The following RBM20 variants were observed in gnomAD, a reference collection of about 807,000 sequenced individuals.
RBM20 encodes the protein RNA-binding protein 20.
A neutral mutation model predicts 110.1 loss-of-function variants in RBM20; 51 were observed. That is an observed-to-expected ratio of 0.46 (90% confidence interval 0.37 to 0.59). The LOEUF is 0.59. Among genes scored for constraint, RBM20 ranks in the 20% least tolerant of loss-of-function variants. RBM20 has a pLI of 0.00. For synonymous variants in RBM20, 589 were observed against 618.2 expected, an observed-to-expected ratio of 0.95 and a Z score of 0.70; for missense variants, 1,512 against 1,574.9, an observed-to-expected ratio of 0.96 and a Z score of 0.68.
intron 1 of RBM20, among the ~76,000 whole-genome samples, chr10:110,776,657 T>C (rs1022277135): frequency 2.6e-5 from 4 of 152,240 alleles, no homozygotes; most frequent in East Asian, 1.9e-4. Context: ...TGTGATTACA[T>C]TGGGCATACC....
At chr10:110,653,776 G>A (rs568832186) in intron 1 of RBM20, among the ~76,000 whole-genome samples, 5 of 152,194 alleles carry the variant, frequency 3.3e-5, no homozygotes, top group Admixed American at 1.3e-4. Flanking sequence ...GGTTGGTCTC[G>A]AACTCCTGGA....
intron 1 of RBM20, among the ~76,000 whole-genome samples, chr10:110,768,932 G>A (rs1844147161): frequency 1.3e-5 from 2 of 152,080 alleles, no homozygotes; most frequent in African/African-American, 2.4e-5. Context: ...GTGACCCTTT[G>A]TGGACTTGTA....
At chr10:110,804,359 G>A (rs909163886) in intron 7 of RBM20, among the ~76,000 whole-genome samples, 18 of 152,202 alleles carry the variant, frequency 1.2e-4, no homozygotes, top group African/African-American at 4.1e-4. Context: ...GGCAAACACT[G>A]TATCCATGTG....
intron 1 of RBM20, among the ~76,000 whole-genome samples, chr10:110,722,485 G>A (rs1037056191): frequency 1.3e-5 from 2 of 152,142 alleles, no homozygotes; most frequent in African/African-American, 2.4e-5. Flanking sequence ...CTGTGGGTTC[G>A]AACAAATGTG....
At chr10:110,717,424 C>G (rs1040023164) in intron 1 of RBM20, among the ~76,000 whole-genome samples, 3 of 152,086 alleles carry the variant, frequency 2.0e-5, no homozygotes, top group African/African-American at 7.2e-5. Flanking sequence ...TTCAGGGAAA[C>G]TTATGGAATG....
chr10:110,660,701 A>G (rs1250305313), intron 1 of RBM20, among the ~76,000 whole-genome samples: 1 of 151,856 alleles, frequency 6.6e-6, no homozygotes, highest in Non-Finnish European at 1.5e-5. Flanking sequence ...CATCACCCCG[A>G]GATAGGACCA....
intron 1 of RBM20, among the ~76,000 whole-genome samples, chr10:110,742,416 T>C (rs926325839): frequency 6.6e-6 from 1 of 152,202 alleles, no homozygotes; most frequent in Non-Finnish European, 1.5e-5. Flanking sequence ...GACTTGGACT[T>C]GGACAGTTTT....
Position 110,753,128 on chromosome 10 carries a change from G to A in RBM20, c.192-27673G>A, listed in dbSNP as rs182975497. Among the ~76,000 whole-genome samples, 956 of 151,360 alleles carry A rather than the reference G, an allele frequency of 6.3e-3. 4 individuals are homozygous for A. Among genetic ancestry groups the A allele is most frequent in the Non-Finnish European group, 9.8e-3 (667 of 67,784 alleles). On this transcript the variant is annotated intron_variant, in intron 1 of 13. Coordinates refer to ENST00000369519, the MANE Select transcript of RBM20 (RefSeq NM_001134363.3). Reference sequence around the variant, plus strand: ...TAATTTTTGTATTTTTAGTAGAGACGGGGTTTCACCATGTTGGTCAGGCTG... The same window carrying A: ...TAATTTTTGTATTTTTAGTAGAGACAGGGTTTCACCATGTTGGTCAGGCTG...
rs1214883974 is a variant in RBM20, at chr10:110,752,943, ATAT to A, written c.192-27856_192-27854del. On this transcript the variant is annotated intron_variant, in intron 1 of 13. Coordinates refer to ENST00000369519, the MANE Select transcript of RBM20 (RefSeq NM_001134363.3). ...TACATATATATATATATATATATAT[ATAT>A]TTTTTTTTTTTTTATGAAGTCTCCC... Among the ~76,000 whole-genome samples the A allele has an allele frequency of 5.1e-3, 483 of 95,020 alleles. 1 individual carries two copies. Among genetic ancestry groups the A allele is most frequent in the African/African-American group, 0.011 (270 of 23,594 alleles). 62.3% of individuals were successfully genotyped at this position (95,020 alleles called of 152,430 possible). A position where few individuals can be genotyped will look rare whatever the true frequency, so the allele number is the denominator to read the frequency against.
At chr10:110,720,731 C>T (rs1293574883) in intron 1 of RBM20, among the ~76,000 whole-genome samples, 3 of 138,772 alleles carry the variant, frequency 2.2e-5, no homozygotes, top group Non-Finnish European at 4.6e-5. Context: ...AACCCTCATC[C>T]CTGTGGTGCC....
chr10:110,732,155 A>G (rs568965627), intron 1 of RBM20, among the ~76,000 whole-genome samples: 1 of 152,174 alleles, frequency 6.6e-6, no homozygotes, highest in South Asian at 2.1e-4. Flanking sequence ...TTTCTTATAC[A>G]TAGCATCCTT....
At chr10:110,813,089 T>C in intron 9 of RBM20, 142 bp downstream of exon 9, 1 of 606,898 alleles carries the variant, frequency 1.6e-6, no homozygotes, top group Non-Finnish European at 2.6e-6. Flanking sequence ...TGCAAGACAC[T>C]TTATCTCAAT....
intron 1 of RBM20, among the ~76,000 whole-genome samples, chr10:110,769,161 A>T (rs1844150961): frequency 6.6e-6 from 1 of 152,182 alleles, no homozygotes; most frequent in Non-Finnish European, 1.5e-5. Context: ...TGGAGGTGGG[A>T]CTCAAGCCCC....
chr10:110,755,515 T>C (rs1843910242), intron 1 of RBM20, among the ~76,000 whole-genome samples: 1 of 152,224 alleles, frequency 6.6e-6, no homozygotes, highest in Non-Finnish European at 1.5e-5. Flanking sequence ...GCTATTACAT[T>C]TCTATTGTGT....
At chr10:110,817,447 C>T (rs1379878534) in intron 9 of RBM20, among the ~76,000 whole-genome samples, 2 of 152,162 alleles carry the variant, frequency 1.3e-5, no homozygotes, top group South Asian at 2.1e-4. Flanking sequence ...CCCAACCATG[C>T]GGGAAGACAG....
chr10:110,800,382 G>A (rs773515371), intron 7 of RBM20, among the ~76,000 whole-genome samples: 26 of 152,176 alleles, frequency 1.7e-4, no homozygotes, highest in Admixed American at 1.5e-3. Flanking sequence ...GGCTGAATTG[G>A]CCACTGTCAG....
At chr10:110,699,112 T>C (rs1043885045) in intron 1 of RBM20, among the ~76,000 whole-genome samples, 1 of 152,126 alleles carries the variant, frequency 6.6e-6, no homozygotes, top group Non-Finnish European at 1.5e-5. Context: ...CGTTCACACG[T>C]CTGCGCCATG....
intron 9 of RBM20, among the ~76,000 whole-genome samples, chr10:110,818,148 A>G (rs568400005): frequency 1.2e-4 from 18 of 150,534 alleles, no homozygotes; most frequent in Non-Finnish European, 2.5e-4. Context: ...AAAATTAGCC[A>G]GGTGTGGTGG....
intron 1 of RBM20, among the ~76,000 whole-genome samples, chr10:110,647,111 T>C (rs761061953): frequency 1.3e-5 from 2 of 152,224 alleles, no homozygotes; most frequent in Non-Finnish European, 2.9e-5. Flanking sequence ...TTATTAGTAA[T>C]GGCTTTTATT....
Sources: gnomAD v4.1 joint callset for allele counts (sites outside exome capture counted in the v4.1 genomes callset) on GRCh38, gnomAD v4.1.1 for gene constraint, MANE v1.5 for transcripts, NCBI Gene and HGNC (gene_info 2026-07-23, HGNC 2026-07-21) for gene names.